Variants in TOM1L2 observed in about 807,000 individuals in gnomAD.
TOM1L2 encodes the protein target of myb1 like 2 membrane trafficking protein, also known as TOM1-like protein 2.
Under a neutral mutation model 67.9 loss-of-function variants are expected in TOM1L2, and 31 were observed. That is an observed-to-expected ratio of 0.46 (90% CI 0.34 to 0.62). TOM1L2 has a LOEUF of 0.62. TOM1L2 is among the 20% of genes least tolerant of loss of function. The probability of loss-of-function intolerance (pLI) is 0.01; values close to 1 mark genes in which losing one functional copy is unlikely to be tolerated. For missense variants in TOM1L2, 606 were observed against 663.5 expected (o/e 0.91, Z 0.95); for synonymous variants, 256 against 254.0 (o/e 1.01, Z -0.07).
chr17:17,970,518 T>C (rs1245481701), intron 1 of TOM1L2, among the ~76,000 whole-genome samples: 1 of 152,156 alleles, frequency 6.6e-6, no homozygotes, highest in Non-Finnish European at 1.5e-5. Flanking sequence ...AATTAGTTTT[T>C]GGAGTGTGGC....
At chr17:17,969,802 C>T (rs1597492058) in intron 1 of TOM1L2, among the ~76,000 whole-genome samples, 1 of 152,104 alleles carries the variant, frequency 6.6e-6, no homozygotes, top group Non-Finnish European at 1.5e-5. Context: ...AGATACTATG[C>T]TAAGTGTTTT....
chr17:17,911,710 T>C (rs2039358809), intron 1 of TOM1L2, among the ~76,000 whole-genome samples: 2 of 150,334 alleles, frequency 1.3e-5, no homozygotes, highest in South Asian at 4.3e-4. Flanking sequence ...AGAGGGGGAT[T>C]TGGCAGGGTC....
intron 2 of TOM1L2, among the ~76,000 whole-genome samples, chr17:17,905,092 G>A (rs2039031369): frequency 6.6e-6 from 1 of 152,242 alleles, no homozygotes; most frequent in Admixed American, 6.5e-5. Flanking sequence ...GCCACTCGGA[G>A]CCCAGTGACG....
intron 8 of TOM1L2, among the ~76,000 whole-genome samples, chr17:17,868,659 C>T (rs1268108289): frequency 1.3e-5 from 2 of 152,144 alleles, no homozygotes; most frequent in African/African-American, 4.8e-5. Context: ...TGCCATTATT[C>T]CTCCTATTTA....
rs889563247 is a variant in TOM1L2 at position 17,933,017 on chromosome 17, A to C, written c.53-25486T>G. Among the ~76,000 whole-genome samples, 26 of 152,250 alleles carry C rather than the reference A, an allele frequency of 1.7e-4. 1 individual carries two copies. Among genetic ancestry groups the C allele is most frequent in the Non-Finnish European group, 5.9e-5 (4 of 68,052 alleles). On this transcript the variant is annotated intron_variant, in intron 1 of 14. Transcript: ENST00000379504. ...GCATTCAGCTGCAAGCAATTAAAAA[A>C]CTAACAGTCGTTTAAACAGATGGGG...
chr17:17,969,104 T>A (rs1385088178), intron 1 of TOM1L2, among the ~76,000 whole-genome samples: 1 of 151,106 alleles, frequency 6.6e-6, no homozygotes, highest in Non-Finnish European at 1.5e-5. Context: ...TCGCCCAGGC[T>A]GGAGCGCGGT....
intron 1 of TOM1L2, among the ~76,000 whole-genome samples, chr17:17,941,990 A>G (rs1271352134): frequency 6.6e-6 from 1 of 152,242 alleles, no homozygotes; most frequent in Non-Finnish European, 1.5e-5. Flanking sequence ...CTTTCCCACA[A>G]AAACGTAGCA....
intron 1 of TOM1L2, among the ~76,000 whole-genome samples, chr17:17,914,546 C>G (rs1418102337): frequency 1.3e-5 from 2 of 152,198 alleles, no homozygotes; most frequent in Non-Finnish European, 2.9e-5. Flanking sequence ...TGGCTCTTAA[C>G]CATTGCTGAC....
In TOM1L2 at chr17:17,847,233, C is replaced by G. The variant is rs1222687028; in HGVS notation, c.*402G>C. 4.6e-6 allele frequency: 1 copy of G among 216,554 alleles called. No individual in the cohort carries two copies. Among genetic ancestry groups the G allele is most frequent in the Non-Finnish European group, 9.3e-6 (1 of 107,956 alleles). The allele number at this position is 216,554 out of a possible 1,614,324, so 13.4% of individuals were successfully genotyped here. A position where few individuals can be genotyped will look rare whatever the true frequency, so the allele number is the denominator to read the frequency against. Reference sequence around the variant, plus strand: ...AGAGGGGCCCAGGAGGGCAGAATGCCTGAGAAGGTCGCTGAGCCAGGCAGA... The same window carrying G: ...AGAGGGGCCCAGGAGGGCAGAATGCGTGAGAAGGTCGCTGAGCCAGGCAGA... On this transcript the variant is annotated 3_prime_UTR_variant, in exon 15 of 15. Coordinates refer to ENST00000379504, the MANE Select transcript of TOM1L2 (RefSeq NM_001082968.2).
intron 2 of TOM1L2, among the ~76,000 whole-genome samples, chr17:17,903,072 T>C (rs1302144206): frequency 6.6e-6 from 1 of 152,162 alleles, no homozygotes; most frequent in African/African-American, 2.4e-5. Flanking sequence ...GACTCCAGTC[T>C]GGTGTCACTT....
intron 1 of TOM1L2, among the ~76,000 whole-genome samples, chr17:17,926,652 CAGG>C (rs10551928): frequency 0.014 from 2,175 of 152,160 alleles, 72 homozygotes; most frequent in African/African-American, 0.05. Context: ...TGCTTGAGCT[CAGG>C]AGTTCAAGAC....
At chr17:17,921,952 C>T (rs73301827) in intron 1 of TOM1L2, among the ~76,000 whole-genome samples, 2,693 of 151,758 alleles carry the variant, frequency 0.018, 89 homozygotes, top group African/African-American at 0.062. Flanking sequence ...CTGTCACCAG[C>T]CTTTTTTTTG....
chr17:17,849,678 CCTGGG>C (rs2035851749), intron 13 of TOM1L2, among the ~76,000 whole-genome samples: 1 of 152,098 alleles, frequency 6.6e-6, no homozygotes, highest in South Asian at 2.1e-4. Flanking sequence ...GTGACAAAGC[CCTGGG>C]CTGGGCTAGG....
chr17:17,925,723 C>T (rs1398520372), intron 1 of TOM1L2, among the ~76,000 whole-genome samples: 3 of 148,678 alleles, frequency 2.0e-5, no homozygotes, highest in African/African-American at 5.0e-5. Flanking sequence ...GATGTGGTAA[C>T]GCATGCCTAT....
chr17:17,955,473 G>C (rs1375580213), intron 1 of TOM1L2, among the ~76,000 whole-genome samples: 1 of 151,786 alleles, frequency 6.6e-6, no homozygotes, highest in Admixed American at 6.6e-5. Flanking sequence ...CACGTAGCTG[G>C]GATTACAGGC....
At position 17,882,738 on chromosome 17, in the gene TOM1L2, A is replaced by G; in HGVS notation, c.627T>C (p.Ser209=). The G allele has an allele frequency of 6.2e-7, 1 of 1,614,132 alleles. No homozygotes were observed. Among genetic ancestry groups the G allele is most frequent in the Non-Finnish European group, 8.5e-7 (1 of 1,180,018 alleles). Residue 209 remains serine, a synonymous_variant, in exon 6 of 15, where the codon AGT becomes AGC. Transcript: ENST00000379504. The stretch of plus-strand genomic sequence containing the variant: ...AATTGGCTGTGATGGGGCCAGTCAC[A>G]CTCAGAGCTGGGGCCTGCGGTGCGG... ...PYSAPQAPAL[S]VTGPITANSE...
intron 8 of TOM1L2, among the ~76,000 whole-genome samples, chr17:17,868,333 G>A (rs1226406778): frequency 2.0e-5 from 3 of 152,206 alleles, no homozygotes; most frequent in African/African-American, 7.2e-5. Flanking sequence ...AAGGCCCAAG[G>A]CTGTGACAGC....
chr17:17,963,499 G>A (rs954960159), intron 1 of TOM1L2, among the ~76,000 whole-genome samples: 6 of 152,190 alleles, frequency 3.9e-5, no homozygotes, highest in Admixed American at 1.3e-4. Context: ...CCTTGGGCAA[G>A]TTTCTGAACC....
At position 17,960,295 on chromosome 17, in the gene TOM1L2, C is replaced by T. The variant is rs190572108; in HGVS notation, c.52+11967G>A. Among the ~76,000 whole-genome samples the T allele has an allele frequency of 3.5e-3, 531 of 152,344 alleles. 1 individual carries two copies. Among genetic ancestry groups the T allele is most frequent in the Non-Finnish European group, 5.7e-3 (391 of 68,026 alleles). On this transcript the variant is annotated intron_variant, in intron 1 of 14. Transcript: ENST00000379504. ...CCACAGACCTGGGTTCAAATCCCTGCTCTGCCACTGATAATCCACAGACCT... is the reference window on the plus strand; with the variant it reads ...CCACAGACCTGGGTTCAAATCCCTGTTCTGCCACTGATAATCCACAGACCT...
Sources: allele counts gnomAD v4.1 joint callset (sites outside exome capture counted in the v4.1 genomes callset), GRCh38; gene constraint gnomAD v4.1.1; transcripts MANE v1.5; gene names NCBI Gene and HGNC (gene_info 2026-07-23, HGNC 2026-07-21).